Variants in NR5A2 observed in about 807,000 individuals in gnomAD.
NR5A2 encodes the protein nuclear receptor subfamily 5 group A member 2.
Under a neutral mutation model 62.7 loss-of-function variants are expected in NR5A2, and 26 were observed. That is an observed-to-expected ratio of 0.41 (90% CI 0.30 to 0.58). The LOEUF (loss-of-function observed/expected upper bound fraction) is 0.58, where lower values mean the gene tolerates loss of function less well. Among genes scored for constraint, NR5A2 ranks in the 20% least tolerant of loss-of-function variants. The probability of loss-of-function intolerance (pLI) is 0.22; values close to 1 mark genes in which losing one functional copy is unlikely to be tolerated. For missense variants in NR5A2, 541 were observed against 669.1 expected (o/e 0.81, Z 2.11); for synonymous variants, 246 against 241.7 (o/e 1.02, Z -0.16).
At chr1:200,138,491 C>A (rs1007464533) in intron 7 of NR5A2, among the ~76,000 whole-genome samples, 4 of 152,142 alleles carry the variant, frequency 2.6e-5, no homozygotes, top group Non-Finnish European at 4.4e-5. Flanking sequence ...TCCTTCCCAA[C>A]CTTGGAGGTC....
chr1:200,091,762 C>T (rs1002998564), intron 5 of NR5A2, among the ~76,000 whole-genome samples: 7 of 152,132 alleles, frequency 4.6e-5, no homozygotes, highest in Non-Finnish European at 8.8e-5. Context: ...GGATTACAGG[C>T]GTGAGCCACT....
At chr1:200,094,334 G>A (rs1347012139) in intron 5 of NR5A2, among the ~76,000 whole-genome samples, 1 of 151,236 alleles carries the variant, frequency 6.6e-6, no homozygotes, top group Non-Finnish European at 1.5e-5. Flanking sequence ...ACAGGCGCGG[G>A]CTACCACACC....
chr1:200,081,172 G>T (rs1664276053), intron 5 of NR5A2, among the ~76,000 whole-genome samples: 1 of 152,162 alleles, frequency 6.6e-6, no homozygotes, highest in Non-Finnish European at 1.5e-5. Context: ...AAGGACTTCA[G>T]TCCACCAGCT....
intron 5 of NR5A2, among the ~76,000 whole-genome samples, chr1:200,075,144 C>T (rs1663965993): frequency 6.6e-6 from 1 of 152,028 alleles, no homozygotes; most frequent in South Asian, 2.1e-4. Context: ...TTTGGAGTGC[C>T]TATTTTGTGT....
intron 5 of NR5A2, among the ~76,000 whole-genome samples, chr1:200,098,176 C>T (rs139899407): frequency 1.3e-5 from 2 of 152,282 alleles, no homozygotes; most frequent in East Asian, 3.9e-4. Flanking sequence ...GACAACTTCA[C>T]CTCTGAGTCT....
chr1:200,146,960 CCTTT>C (rs1667730432), intron 7 of NR5A2, among the ~76,000 whole-genome samples: 3 of 99,400 alleles, frequency 3.0e-5, no homozygotes, highest in Admixed American at 2.9e-4. Context: ...ATCCTTGTAT[CCTTT>C]TTTTTTTTTC....
At chr1:200,142,680 C>T (rs1340404179) in intron 7 of NR5A2, among the ~76,000 whole-genome samples, 1 of 152,182 alleles carries the variant, frequency 6.6e-6, no homozygotes, top group Non-Finnish European at 1.5e-5. Context: ...AAGTGCATGC[C>T]ACCATGTCTG....
chr1:200,099,938 G>A (rs1292591565), intron 5 of NR5A2, among the ~76,000 whole-genome samples: 2 of 152,170 alleles, frequency 1.3e-5, no homozygotes, highest in Admixed American at 1.3e-4. Flanking sequence ...CCTTTAAGGC[G>A]GTGTCTGGAA....
intron 5 of NR5A2, among the ~76,000 whole-genome samples, chr1:200,109,800 T>C (rs1665854736): frequency 6.6e-6 from 1 of 152,230 alleles, no homozygotes; most frequent in Admixed American, 6.5e-5. Context: ...AATCTTGCTC[T>C]GTCACCCAGG....
chr1:200,124,951 GCCTTTACCGAAGC>G (rs1666639198), intron 7 of NR5A2, among the ~76,000 whole-genome samples: 1 of 151,730 alleles, frequency 6.6e-6, no homozygotes, highest in Non-Finnish European at 1.5e-5. Flanking sequence ...TTAAAGCGAA[GCCTTTACCGAAGC>G]AACTCGTGAT....
intron 5 of NR5A2, among the ~76,000 whole-genome samples, chr1:200,055,411 G>C (rs946225295): frequency 3.3e-5 from 5 of 152,056 alleles, no homozygotes; most frequent in Non-Finnish European, 7.4e-5. Flanking sequence ...GGTCAGGCTG[G>C]TCTCAAACTC....
At chr1:200,125,369 G>A (rs1304723913) in intron 7 of NR5A2, among the ~76,000 whole-genome samples, 1 of 152,150 alleles carries the variant, frequency 6.6e-6, no homozygotes, top group East Asian at 1.9e-4. Flanking sequence ...ATAGCTCTTT[G>A]CTTCATACTA....
chr1:200,042,475 T>C (rs965611925), intron 2 of NR5A2, among the ~76,000 whole-genome samples: 1 of 152,260 alleles, frequency 6.6e-6, no homozygotes. Context: ...GCTATTTCTC[T>C]TTCCTTTTTG....
chr1:200,121,076 T>C, intron 7 of NR5A2, 121 bp downstream of exon 7: 2 of 1,021,884 alleles, frequency 2.0e-6, no homozygotes, highest in Non-Finnish European at 2.9e-6. Context: ...CCTGTCAAAT[T>C]ATGAAATCTT....
chr1:200,080,274 T>C (rs1035170724), intron 5 of NR5A2, among the ~76,000 whole-genome samples: 3 of 152,166 alleles, frequency 2.0e-5, no homozygotes, highest in South Asian at 2.1e-4. Context: ...ATTAACCTTG[T>C]GTGGCCTCTC....
chr1:200,100,416 C>G (rs1395228940), intron 5 of NR5A2, among the ~76,000 whole-genome samples: 1 of 152,088 alleles, frequency 6.6e-6, no homozygotes, highest in Non-Finnish European at 1.5e-5. Flanking sequence ...AGTTTTAGTT[C>G]TTTGCCCAAA....
At chr1:200,052,869 T>C (rs888346057) in intron 5 of NR5A2, among the ~76,000 whole-genome samples, 15 of 152,106 alleles carry the variant, frequency 9.9e-5, no homozygotes, top group Admixed American at 3.9e-4. Flanking sequence ...CTTGATCTCC[T>C]GACCTTGCGA....
chr1:200,149,534 A>T (rs1414481391), intron 7 of NR5A2, among the ~76,000 whole-genome samples: 1 of 152,184 alleles, frequency 6.6e-6, no homozygotes, highest in African/African-American at 2.4e-5. Context: ...ACCCACAGCT[A>T]TGTTGTCACA....
At chr1:200,077,129 TATTC>T (rs1189143630) in intron 5 of NR5A2, among the ~76,000 whole-genome samples, 1 of 152,274 alleles carries the variant, frequency 6.6e-6, no homozygotes, top group Non-Finnish European at 1.5e-5. Context: ...TTTAAACATT[TATTC>T]ATACCAACAG....
Sources: allele counts gnomAD v4.1 joint callset (sites outside exome capture counted in the v4.1 genomes callset), GRCh38; gene constraint gnomAD v4.1.1; transcripts MANE v1.5; gene names NCBI Gene and HGNC (gene_info 2026-07-23, HGNC 2026-07-21).